Variants in CASS4 observed in about 807,000 individuals in gnomAD.
The protein encoded by CASS4 is cas scaffolding protein family member 4.
CASS4 carries 22 observed loss-of-function variants against 54.2 expected under a neutral mutation model. That is an observed-to-expected ratio of 0.41 (90% CI 0.29 to 0.58). The LOEUF (loss-of-function observed/expected upper bound fraction) is 0.58. Among genes scored for constraint, CASS4 ranks in the 20% least tolerant of loss-of-function variants. CASS4 has a pLI of 0.36. For synonymous variants in CASS4, 409 were observed against 391.5 expected, an observed-to-expected ratio of 1.04 and a Z score of -0.53; for missense variants, 854 against 986.7, an observed-to-expected ratio of 0.87 and a Z score of 1.80.
chr20:56,437,415 G>A lies in CASS4; in HGVS notation c.288G>A (p.Glu96=), dbSNP rs1980238651. The change falls in exon 2 of 6, where the codon GAG becomes GAA. Residue 96 remains glutamate, a synonymous_variant. Coordinates refer to ENST00000679887, the MANE Select transcript of CASS4 (RefSeq NM_020356.4). The surrounding 1 kb of genome is among the most constrained non-coding windows in gnomAD (Gnocchi z 4.7). ...AAGAAGCTCCTGCCAGCTCAGAGGA[G>A]ACCTATCAGGTGCCCACTCTACCCC... ...GLEEAPASSE[E]TYQVPTLPRP... 1.9e-6 allele frequency: 3 copies of A among 1,613,910 alleles called. No homozygotes were observed. The highest frequency in any genetic ancestry group is 2.7e-5 in the African/African-American group (2 of 74,926).
At chr20:56,448,331 G>GT (rs777740575) in intron 3 of CASS4, among the ~76,000 whole-genome samples, 11 of 152,064 alleles carry the variant, frequency 7.2e-5, no homozygotes, top group Non-Finnish European at 1.6e-4. Context: ...TGATGATTGA[G>GT]TTTTTTGGTG....
intron 1 of CASS4, among the ~76,000 whole-genome samples, chr20:56,413,619 G>A (rs887234579): frequency 1.4e-5 from 2 of 140,308 alleles, no homozygotes; most frequent in East Asian, 4.5e-4. Flanking sequence ...GTTGCAGTGA[G>A]CTGAGATTAT....
chr20:56,459,715 C>G lies in CASS4; in HGVS notation c.*968C>G, dbSNP rs755629624. On this transcript the variant is annotated 3_prime_UTR_variant, in exon 6 of 6. Coordinates refer to ENST00000679887, the MANE Select transcript of CASS4 (RefSeq NM_020356.4). ...GAACTCCTGACCTCAGGCCATCCCC[C>G]GCCTCGGCCTCCCAAAGTGCTGGGA... 2.6e-5 allele frequency: 4 copies of G among 153,798 alleles called. No homozygotes were observed. The highest frequency in any genetic ancestry group is 4.3e-5 in the Non-Finnish European group (3 of 69,064). 9.5% of individuals were successfully genotyped at this position (153,798 alleles called of 1,614,324 possible).
At chr20:56,445,870 T>C in intron 2 of CASS4, 30 bp from the exon 3 acceptor site, 1 of 1,518,372 alleles carries the variant, frequency 6.6e-7, no homozygotes, top group Non-Finnish European at 9.1e-7. Flanking sequence ...GACATTTCCT[T>C]TTCCTCTTTT....
chr20:56,418,730 A>T (rs1421271652), intron 1 of CASS4, among the ~76,000 whole-genome samples: 1 of 152,142 alleles, frequency 6.6e-6, no homozygotes, highest in African/African-American at 2.4e-5. Flanking sequence ...AGCAGAAAAA[A>T]TAGTAAATCA....
chr20:56,436,376 A>ATG (rs1191553459), intron 1 of CASS4, among the ~76,000 whole-genome samples: 2,018 of 108,676 alleles, frequency 0.019, 45 homozygotes, highest in African/African-American at 0.065. Flanking sequence ...ATATATATGT[A>ATG]TATATATATA....
intron 1 of CASS4, among the ~76,000 whole-genome samples, chr20:56,422,911 C>G (rs1979475116): frequency 1.3e-5 from 2 of 152,236 alleles, no homozygotes; most frequent in Admixed American, 6.5e-5. Flanking sequence ...ACTTCTTTGT[C>G]CCTGGTTTCT....
chr20:56,456,235 G>A (rs1981287436), intron 5 of CASS4, among the ~76,000 whole-genome samples: 1 of 151,946 alleles, frequency 6.6e-6, no homozygotes, highest in Non-Finnish European at 1.5e-5. Flanking sequence ...TAGTCAATGC[G>A]ATAACCAAAA....
At position 56,437,251 on chromosome 20, in the gene CASS4, G is replaced by T; in HGVS notation, c.124G>T (p.Glu42Ter). The change falls in exon 2 of 6, where the codon GAG becomes TAG. Residue 42 changes from glutamate (E) to a stop codon, truncating the protein, a stop_gained. Coordinates refer to ENST00000679887, the MANE Select transcript of CASS4 (RefSeq NM_020356.4). LOFTEE classifies it high-confidence loss of function. This position sits in a 1 kb window ranked among gnomAD's most constrained non-coding sequence, Gnocchi z 4.7. Reference sequence around the variant, plus strand: ...CAGAGGGGACATCCTGACCATTCTGGAGCAACACGTGCCAGAAAGCGAGGG... The same window carrying T: ...CAGAGGGGACATCCTGACCATTCTGTAGCAACACGTGCCAGAAAGCGAGGG... ...FSRGDILTIL[E>*]QHVPESEGWW... 1 of 1,613,640 alleles carries T rather than the reference G, an allele frequency of 6.2e-7. No homozygotes were observed. Among genetic ancestry groups the T allele is most frequent in the Admixed American group, 1.7e-5 (1 of 59,968 alleles).
chr20:56,452,855 A>C lies in CASS4; in HGVS notation c.1679A>C (p.Glu560Ala), dbSNP rs1425191131. 6.2e-7 allele frequency: 1 copy of C among 1,614,074 alleles called. No homozygotes were observed. Among genetic ancestry groups the C allele is most frequent in the South Asian group, 1.1e-5 (1 of 91,078 alleles). ...DSVQNSPDDL[E>A]RFVMVARMLP... ...GTCCAGAACAGCCCAGATGACCTTG[A>C]GAGGTTTGTCATGGTGGCACGGATG... Residue 560 changes from glutamate to alanine, a missense_variant, in exon 5 of 6, where the codon GAG becomes GCG. Physicochemically the swap from Glu to Ala is moderately radical, Grantham distance 107. Transcript: ENST00000679887.
At chr20:56,454,574 G>A (rs573745267) in intron 5 of CASS4, among the ~76,000 whole-genome samples, 2 of 152,282 alleles carry the variant, frequency 1.3e-5, no homozygotes, top group East Asian at 3.9e-4. Flanking sequence ...GAGAAAGAAT[G>A]CTCAAGTCTA....
In CASS4 at chr20:56,458,721, C is replaced by T. The variant is rs1435693423; in HGVS notation, c.2335C>T (p.Arg779Trp). The T allele has an allele frequency of 3.1e-6, 5 of 1,608,956 alleles. No homozygotes were observed. The highest frequency in any genetic ancestry group is 4.2e-6 in the Non-Finnish European group (5 of 1,177,512). ...AEAEKLEQHT[R>W]QFRGTLG is the part of the protein sequence containing the mutation. ...GGCTGAGAAGCTGGAGCAACACACG[C>T]GGCAGTTCAGAGGGACACTGGGATG... The change falls in exon 6 of 6, where the codon CGG (arginine) becomes TGG (tryptophan). Residue 779 changes from arginine to tryptophan, a missense_variant. Coordinates refer to ENST00000679887, the MANE Select transcript of CASS4 (RefSeq NM_020356.4).
intron 1 of CASS4, among the ~76,000 whole-genome samples, chr20:56,425,547 T>G (rs1353465900): frequency 6.6e-6 from 1 of 152,214 alleles, no homozygotes. Flanking sequence ...GAAGTCTTCC[T>G]GCATGTGGCA....
At chr20:56,434,208 G>A (rs1050341516) in intron 1 of CASS4, among the ~76,000 whole-genome samples, 11 of 152,128 alleles carry the variant, frequency 7.2e-5, no homozygotes, top group Admixed American at 2.6e-4. Context: ...TCCACCCACC[G>A]ACTTCCCACT....
At chr20:56,449,550 T>C (rs775905132) in intron 3 of CASS4, among the ~76,000 whole-genome samples, 18 of 152,046 alleles carry the variant, frequency 1.2e-4, no homozygotes, top group Non-Finnish European at 2.6e-4. Flanking sequence ...ACATGGCAGA[T>C]GTATACATAT....
intron 2 of CASS4, among the ~76,000 whole-genome samples, chr20:56,438,160 A>G (rs6014730): frequency 0.42 from 63,504 of 151,780 alleles, 15,652 homozygotes; most frequent in African/African-American, 0.68. Flanking sequence ...AGTAGCACAC[A>G]TGTGTAGTCC....
chr20:56,443,047 C>A (rs1287627216), intron 2 of CASS4, among the ~76,000 whole-genome samples: 2 of 150,296 alleles, frequency 1.3e-5, no homozygotes, highest in African/African-American at 4.9e-5. Context: ...GGCCTTGGGA[C>A]AGCATTTGGA....
chr20:56,451,158 G>A (rs1254000396), intron 4 of CASS4, among the ~76,000 whole-genome samples: 3 of 152,168 alleles, frequency 2.0e-5, no homozygotes, highest in African/African-American at 4.8e-5. Flanking sequence ...GACTAATTAC[G>A]TGGTTGGGAT....
chr20:56,453,998 T>G (rs1020943300), intron 5 of CASS4: 5 of 152,284 alleles, frequency 3.3e-5, no homozygotes, highest in African/African-American at 1.2e-4. Context: ...CTGGCCAACA[T>G]GATGAAACCC....
Sources: gnomAD v4.1 joint callset for allele counts (sites outside exome capture counted in the v4.1 genomes callset) on GRCh38, gnomAD v4.1.1 for gene constraint, Gnocchi (gnomAD v3.1) non-coding constraint, MANE v1.5 for transcripts, NCBI Gene and HGNC (gene_info 2026-07-23, HGNC 2026-07-21) for gene names.